CRISPLD1: variants seen among roughly 807,000 people sequenced by gnomAD.
CRISPLD1 encodes cysteine-rich secretory protein LCCL domain-containing 1.
A neutral mutation model predicts 77.5 loss-of-function variants in CRISPLD1; 60 were observed. The ratio of observed to expected loss-of-function variants is 0.77; its 90% CI spans 0.63 to 0.96. The LOEUF (loss-of-function observed/expected upper bound fraction) is 0.96, where lower values mean the gene tolerates loss of function less well. Among genes scored for constraint, CRISPLD1 ranks in the 40% least tolerant of loss-of-function variants. The pLI, the probability that CRISPLD1 is intolerant of heterozygous loss-of-function variation, is 0.00. For synonymous variants in CRISPLD1, 195 were observed against 200.1 expected (o/e 0.97, Z 0.22); for missense variants, 623 against 615.8 (o/e 1.01, Z -0.12).
intron 3 of CRISPLD1, 59 bp downstream of exon 3, chr8:75,012,610 A>T: frequency 8.6e-7 from 1 of 1,157,168 alleles, no homozygotes; most frequent in Non-Finnish European, 1.3e-6. Context: ...TGAAGTCCTT[A>T]TTAATTCATC....
intron 13 of CRISPLD1, among the ~76,000 whole-genome samples, chr8:75,028,141 A>T (rs1052457841): frequency 2.6e-5 from 4 of 152,210 alleles, no homozygotes; most frequent in African/African-American, 9.6e-5. Context: ...GTTAAGAACC[A>T]TATTGGAGGC....
intron 10 of CRISPLD1, among the ~76,000 whole-genome samples, chr8:75,017,927 T>TATCCC (rs1240686415): frequency 6.6e-6 from 1 of 152,198 alleles, no homozygotes; most frequent in African/African-American, 2.4e-5. Context: ...CATTTAAAAG[T>TATCCC]ATCCCAATAT....
chr8:75,002,384 C>T (rs916857304), intron 2 of CRISPLD1, among the ~76,000 whole-genome samples: 5 of 147,234 alleles, frequency 3.4e-5, no homozygotes, highest in African/African-American at 1.3e-4. Context: ...TGTCAGGTAA[C>T]AGGTTGTTAG....
At chr8:75,018,311 C>T (rs1212617016) in intron 10 of CRISPLD1, among the ~76,000 whole-genome samples, 1 of 137,616 alleles carries the variant, frequency 7.3e-6, no homozygotes, top group Non-Finnish European at 1.7e-5. Context: ...TTTTTGTCAC[C>T]CAGACTGGAG....
intron 12 of CRISPLD1, among the ~76,000 whole-genome samples, chr8:75,022,076 T>C (rs992796364): frequency 6.6e-6 from 1 of 152,048 alleles, no homozygotes; most frequent in Non-Finnish European, 1.5e-5. Flanking sequence ...ATAAACAAGC[T>C]CCCTATTTCT....
intron 2 of CRISPLD1, among the ~76,000 whole-genome samples, chr8:75,005,657 A>G (rs1812816182): frequency 6.6e-6 from 1 of 152,188 alleles, no homozygotes; most frequent in Non-Finnish European, 1.5e-5. Flanking sequence ...AGGTAGGATT[A>G]GAGATATTGG....
chr8:75,032,142 G>GTCTA, intron 14 of CRISPLD1, 49 bp from the exon 15 acceptor site: 1 of 1,275,104 alleles, frequency 7.8e-7, no homozygotes, highest in Non-Finnish European at 1.1e-6. Flanking sequence ...GAAGGATTAT[G>GTCTA]TATAGAGATG....
intron 12 of CRISPLD1, among the ~76,000 whole-genome samples, chr8:75,021,200 T>A (rs1370491490): frequency 6.6e-6 from 1 of 152,194 alleles, no homozygotes; most frequent in Non-Finnish European, 1.5e-5. Flanking sequence ...ATGAAAGCAA[T>A]GTTTCACTTA....
At chr8:74,988,145 A>G (rs1454189935) in intron 2 of CRISPLD1, among the ~76,000 whole-genome samples, 1 of 152,202 alleles carries the variant, frequency 6.6e-6, no homozygotes, top group Non-Finnish European at 1.5e-5. Flanking sequence ...TAGAGTACAC[A>G]TTTAAGGCGA....
chr8:75,017,322 A>G lies in CRISPLD1; in HGVS notation c.999A>G (p.Gln333=), dbSNP rs779620373. The change falls in exon 10 of 15, where the codon CAA becomes CAG. Residue 333 remains glutamine (Q), a splice_region_variant and synonymous_variant. Coordinates refer to ENST00000262207, the MANE Select transcript of CRISPLD1 (RefSeq NM_031461.6). ...TTTATCTCCTCCTTTTTTCCAAGCA[A>G]TCCAGCATCTGTAGAGCTGCAATTC... ...KVIGSVHYEM[Q]SSICRAAIHY... The G allele has an allele frequency of 3.7e-6, 6 of 1,608,058 alleles. No homozygotes were observed. The Admixed American group carries it at 8.5e-5, about 23-fold the overall frequency.
intron 5 of CRISPLD1, 48 bp downstream of exon 5, chr8:75,014,150 A>AGGTTTC: frequency 8.4e-7 from 1 of 1,184,494 alleles, no homozygotes; most frequent in Non-Finnish European, 1.3e-6. Flanking sequence ...TCTTAACAAA[A>AGGTTTC]TGAAAATACC....
intron 12 of CRISPLD1, among the ~76,000 whole-genome samples, chr8:75,022,602 AAAAG>A (rs1407799106): frequency 6.6e-6 from 1 of 151,628 alleles, no homozygotes; most frequent in African/African-American, 2.4e-5. Flanking sequence ...AAAAAAAAAA[AAAAG>A]AAAAAAAATT....
rs1021158870 is a variant in CRISPLD1 at position 75,033,544 on chromosome 8, A to G, written c.*1302A>G. On this transcript the variant is annotated 3_prime_UTR_variant, in exon 15 of 15. Coordinates refer to ENST00000262207, the MANE Select transcript of CRISPLD1 (RefSeq NM_031461.6). The stretch of plus-strand genomic sequence containing the variant: ...GAGAGAGATGAATTTATAAAGTAGG[A>G]AAAAAAGAATCTGAAAGATACAAAG... 2 of 147,678 alleles carry G rather than the reference A, an allele frequency of 1.4e-5. No individual in the cohort carries two copies. The highest frequency in any genetic ancestry group is 1.3e-4 in the Admixed American group (2 of 15,058). The allele number at this position is 147,678 out of a possible 1,614,324, so 9.1% of individuals were successfully genotyped here.
At chr8:75,030,567 T>C (rs1203798773) in intron 14 of CRISPLD1, among the ~76,000 whole-genome samples, 1 of 152,082 alleles carries the variant, frequency 6.6e-6, no homozygotes, top group Non-Finnish European at 1.5e-5. Context: ...AGTATAATAA[T>C]TATTTTTGAG....
chr8:75,010,960 G>A (rs1028899114), intron 2 of CRISPLD1, among the ~76,000 whole-genome samples: 1 of 151,600 alleles, frequency 6.6e-6, no homozygotes, highest in African/African-American at 2.4e-5. Context: ...AAATATGCAT[G>A]GAAATACCTA....
At chr8:75,031,565 C>CTGTGTG (rs1491389793) in intron 14 of CRISPLD1, among the ~76,000 whole-genome samples, 3 of 87,490 alleles carry the variant, frequency 3.4e-5, no homozygotes, top group African/African-American at 1.9e-4. Flanking sequence ...AGATTGAATG[C>CTGTGTG]TCTGTGTGTG....
chr8:75,003,198 CAT>C (rs1396976540), intron 2 of CRISPLD1, among the ~76,000 whole-genome samples: 1 of 152,120 alleles, frequency 6.6e-6, no homozygotes, highest in Non-Finnish European at 1.5e-5. Context: ...AGCAACGTAA[CAT>C]AGCAGTTTCA....
chr8:75,007,005 T>G (rs1447402198), intron 2 of CRISPLD1, among the ~76,000 whole-genome samples: 1 of 152,194 alleles, frequency 6.6e-6, no homozygotes, highest in Non-Finnish European at 1.5e-5. Context: ...GATATTTATT[T>G]GAAAAATAAC....
At chr8:74,995,533 G>A (rs1812633424) in intron 2 of CRISPLD1, among the ~76,000 whole-genome samples, 1 of 152,108 alleles carries the variant, frequency 6.6e-6, no homozygotes, top group African/African-American at 2.4e-5. Context: ...GGAGTGCAGT[G>A]GCACGATCAC....
Sources: allele counts gnomAD v4.1 joint callset (sites outside exome capture counted in the v4.1 genomes callset), GRCh38; gene constraint gnomAD v4.1.1; transcripts MANE v1.5; gene names NCBI Gene and HGNC (gene_info 2026-07-23, HGNC 2026-07-21).